TMIE: variants seen among roughly 807,000 people sequenced by gnomAD.
TMIE encodes the protein transmembrane inner ear, also known as transmembrane inner ear expressed protein.
Under a neutral mutation model 16.8 loss-of-function variants are expected in TMIE, and 14 were observed. That is an observed-to-expected ratio of 0.83 (90% CI 0.55 to 1.30). The LOEUF is 1.30. Among genes scored for constraint, TMIE ranks in the 50% most tolerant of loss-of-function variants. The pLI, the probability that TMIE is intolerant of heterozygous loss-of-function variation, is 0.00. For missense variants in TMIE, 204 were observed against 205.9 expected, an observed-to-expected ratio of 0.99 and a Z score of 0.06; for synonymous variants, 75 against 87.2, an observed-to-expected ratio of 0.86 and a Z score of 0.78.
chr3:46,705,952 C>T (rs1465386850), intron 2 of TMIE, 45 bp downstream of exon 2: 1 of 1,576,084 alleles, frequency 6.3e-7, no homozygotes, highest in Non-Finnish European at 8.7e-7. Flanking sequence ...GCAGTGGGAA[C>T]ACAGCACCCC....
upstream of TMIE, chr3:46,693,814 C>G (rs1700324228): frequency 6.6e-6 from 1 of 152,030 alleles, no homozygotes; most frequent in Non-Finnish European, 1.5e-5. Flanking sequence ...GGCGGGCCAC[C>G]GAGGAGCTGG....
intron 1 of TMIE, among the ~76,000 whole-genome samples, chr3:46,702,718 A>G (rs1330710414): frequency 6.6e-6 from 1 of 152,060 alleles, no homozygotes; most frequent in East Asian, 1.9e-4. Flanking sequence ...ACAGCCCTGA[A>G]CTGGAGGGTT....
intron 3 of TMIE, 61 bp from the exon 4 acceptor site, chr3:46,709,518 C>T: frequency 1.2e-6 from 2 of 1,613,872 alleles, no homozygotes; most frequent in South Asian, 1.1e-5. Context: ...CCCCTCAGGA[C>T]AGTCAGACCC....
chr3:46,696,841 G>A (rs905692467), upstream of TMIE, among the ~76,000 whole-genome samples: 7 of 152,200 alleles, frequency 4.6e-5, no homozygotes, highest in African/African-American at 1.7e-4. Context: ...ACCATGTATG[G>A]AGGGGACACT....
chr3:46,693,882 T>C (rs1700327660), upstream of TMIE, among the ~76,000 whole-genome samples: 1 of 151,624 alleles, frequency 6.6e-6, no homozygotes, highest in African/African-American at 2.4e-5. Flanking sequence ...CCCTCTGGCG[T>C]CCCCCGGGAT....
chr3:46,701,666 G>A lies in TMIE; in HGVS notation c.93+86G>A, dbSNP rs1700479651. ...AGAGGGGACGCCTTTTTGATCCGGA[G>A]CTTGTTTGATCCCTTACTCTTGCCC... is the stretch of plus-strand genomic sequence containing the variant. On this transcript the variant is annotated intron_variant, in intron 1 of 3. Coordinates refer to ENST00000643606, the MANE Select transcript of TMIE (RefSeq NM_147196.3). This position sits in a 1 kb window ranked among gnomAD's most constrained non-coding sequence, Gnocchi z 4.3. 5 of 1,091,112 alleles carry A rather than the reference G, an allele frequency of 4.6e-6. No individual in the cohort carries two copies. Among genetic ancestry groups the A allele is most frequent in the Non-Finnish European group, 5.9e-6 (5 of 849,920 alleles). 67.6% of individuals were successfully genotyped at this position (1,091,112 alleles called of 1,614,324 possible).
At chr3:46,695,827 T>C (rs1194475434) in intron 1 of TMIE, among the ~76,000 whole-genome samples, 1 of 152,222 alleles carries the variant, frequency 6.6e-6, no homozygotes, top group Non-Finnish European at 1.5e-5. Flanking sequence ...AAAGGCTGAC[T>C]GAGCTCTGGG....
upstream of TMIE, among the ~76,000 whole-genome samples, chr3:46,699,474 T>C (rs1210566993): frequency 6.6e-6 from 1 of 152,114 alleles, no homozygotes; most frequent in Non-Finnish European, 1.5e-5. Context: ...GTTCAGTCAG[T>C]TTGATTTTGA....
chr3:46,703,929 C>G (rs1418159194), intron 1 of TMIE, among the ~76,000 whole-genome samples: 1 of 152,204 alleles, frequency 6.6e-6, no homozygotes. Flanking sequence ...TGCACAACAT[C>G]TCGCTCATAT....
intron 2 of TMIE, among the ~76,000 whole-genome samples, chr3:46,706,916 G>A (rs372255880): frequency 9.8e-5 from 15 of 152,324 alleles, no homozygotes; most frequent in Admixed American, 3.3e-4. Flanking sequence ...AGAGAGCTGG[G>A]TGGCCCACAG....
upstream of TMIE, chr3:46,701,326 G>C (rs769917346): frequency 1.5e-4 from 81 of 534,082 alleles, no homozygotes; most frequent in Middle Eastern, 5.7e-4. This position sits in a 1 kb window ranked among gnomAD's most constrained non-coding sequence, Gnocchi z 4.3. Flanking sequence ...CAGCGATGGC[G>C]GGGGCGGGCG....
At chr3:46,700,381 C>T (rs2106773447), upstream of TMIE, among the ~76,000 whole-genome samples, 1 of 152,320 alleles carries the variant, frequency 6.6e-6, no homozygotes, top group Non-Finnish European at 1.5e-5. Flanking sequence ...CCTCACAGGG[C>T]TCTGGAGCCA....
upstream of TMIE, among the ~76,000 whole-genome samples, chr3:46,698,980 C>T (rs998762469): frequency 1.6e-4 from 24 of 151,466 alleles, no homozygotes; most frequent in African/African-American, 5.3e-4. Flanking sequence ...CACACTCAGC[C>T]GACTTAAATT....
chr3:46,694,407 G>GC (rs1357368507), upstream of TMIE: 2 of 152,492 alleles, frequency 1.3e-5, no homozygotes, highest in South Asian at 2.1e-4. Context: ...TAACAAAGAA[G>GC]CCCCCCGTCA....
rs397517866 is a variant in TMIE at position 46,709,165 on chromosome 3, G to A, written c.251G>A (p.Arg84Gln). 1.2e-5 allele frequency: 20 copies of A among 1,614,016 alleles called. No individual in the cohort carries two copies. The highest frequency in any genetic ancestry group is 5.3e-5 in the African/African-American group (4 of 74,938). ...TGTGTCTTCAACTGTCGTGTGCCACGGACCCGGAAGGAGATCGAAGCCCGG... is the reference window on the plus strand; with the variant it reads ...TGTGTCTTCAACTGTCGTGTGCCACAGACCCGGAAGGAGATCGAAGCCCGG... ...LCCVFNCRVPRTRKEIEARYL... is the reference protein window; with the variant it reads ...LCCVFNCRVPQTRKEIEARYL... The change falls in exon 3 of 4, where the codon CGG becomes CAG. Residue 84 changes from arginine (R) to glutamine (Q), a missense_variant. Coordinates refer to ENST00000643606, the MANE Select transcript of TMIE (RefSeq NM_147196.3).
Position 46,701,534 on chromosome 3 carries a change from C to A in TMIE, c.47C>A (p.Ala16Asp), listed in dbSNP as rs1052067651. ...GAGPLCVLGGAALGVCLAGVA... is the reference protein window; with the variant it reads ...GAGPLCVLGGDALGVCLAGVA... ...GGTCCCCTCTGCGTGCTGGGCGGCG[C>A]CGCACTCGGGGTGTGCCTCGCGGGG... Residue 16 changes from alanine (A) to aspartate (D), a missense_variant, in exon 1 of 4, where the codon GCC becomes GAC. By Grantham distance (126) the Ala-to-Asp change is moderately radical. Coordinates refer to ENST00000643606, the MANE Select transcript of TMIE (RefSeq NM_147196.3). This position sits in a 1 kb window ranked among gnomAD's most constrained non-coding sequence, Gnocchi z 4.3. 3.5e-5 allele frequency: 46 copies of A among 1,305,550 alleles called. No homozygotes were observed. The highest frequency in any genetic ancestry group is 3.5e-5 in the Non-Finnish European group (36 of 1,030,270). The allele number at this position is 1,305,550 out of a possible 1,614,324, so 80.9% of individuals were successfully genotyped here. A position where few individuals can be genotyped will look rare whatever the true frequency, so the allele number is the denominator to read the frequency against.
chr3:46,696,957 A>G (rs1390717717), upstream of TMIE, among the ~76,000 whole-genome samples: 1 of 152,142 alleles, frequency 6.6e-6, no homozygotes, highest in Non-Finnish European at 1.5e-5. Flanking sequence ...GAGGCCTCCT[A>G]AGAAGCAGAA....
At position 46,705,702 on chromosome 3, in the gene TMIE, T is replaced by G. The variant is rs7649081; in HGVS notation, c.94-88T>G. ...CTAGGAGATTCTGATATGCTTGGGCTGAGTGTTTGCTGAGACCTGGGCCCT... is the reference window on the plus strand; with the variant it reads ...CTAGGAGATTCTGATATGCTTGGGCGGAGTGTTTGCTGAGACCTGGGCCCT... On this transcript the variant is annotated intron_variant, in intron 1 of 3. Transcript: ENST00000643606. The G allele has an allele frequency of 0.12, 126,168 of 1,081,060 alleles. 9,992 individuals carry two copies. The highest frequency in any genetic ancestry group is 0.28 in the East Asian group (11,804 of 42,374). The allele number at this position is 1,081,060 out of a possible 1,614,324, so 67.0% of individuals were successfully genotyped here. A position where few individuals can be genotyped will look rare whatever the true frequency, so the allele number is the denominator to read the frequency against.
At chr3:46,709,100 C>A (rs1700588547) in intron 2 of TMIE, 26 bp from the exon 3 acceptor site, 3 of 1,613,734 alleles carry the variant, frequency 1.9e-6, no homozygotes, top group Non-Finnish European at 2.5e-6. Flanking sequence ...CCAGCCCCAG[C>A]CAAGCCTGCT....
Sources: gnomAD v4.1 joint callset for allele counts (sites outside exome capture counted in the v4.1 genomes callset) on GRCh38, gnomAD v4.1.1 for gene constraint, Gnocchi (gnomAD v3.1) non-coding constraint, MANE v1.5 for transcripts, NCBI Gene and HGNC (gene_info 2026-07-23, HGNC 2026-07-21) for gene names.